The following DOK5 variants were observed in gnomAD, a reference collection of about 807,000 sequenced individuals.
DOK5 encodes downstream of tyrosine kinase 5.
A neutral mutation model predicts 43.3 loss-of-function variants in DOK5; 27 were observed. The ratio of observed to expected loss-of-function variants is 0.62; its 90% CI spans 0.46 to 0.86. DOK5 has a LOEUF of 0.86. Among genes scored for constraint, DOK5 ranks in the 40% least tolerant of loss-of-function variants. The pLI is 0.00. For missense variants in DOK5, 373 were observed against 392.9 expected, an observed-to-expected ratio of 0.95 and a Z score of 0.43; for synonymous variants, 146 against 140.1, an observed-to-expected ratio of 1.04 and a Z score of -0.30.
At chr20:54,524,984 G>A (rs1983530760) in intron 1 of DOK5, among the ~76,000 whole-genome samples, 1 of 152,204 alleles carries the variant, frequency 6.6e-6, no homozygotes, top group Non-Finnish European at 1.5e-5. Context: ...AACATTATTT[G>A]AGGGTGTTCC....
At chr20:54,561,844 T>A (rs1207937903) in intron 2 of DOK5, among the ~76,000 whole-genome samples, 1 of 152,072 alleles carries the variant, frequency 6.6e-6, no homozygotes, top group African/African-American at 2.4e-5. Context: ...TTAGTAGAGA[T>A]GGGGGTTTCT....
intron 6 of DOK5, among the ~76,000 whole-genome samples, chr20:54,622,424 C>T (rs1355414352): frequency 2.0e-5 from 3 of 152,146 alleles, no homozygotes; most frequent in Non-Finnish European, 4.4e-5. Flanking sequence ...AACGTAATAA[C>T]TTGCAACGTG....
At chr20:54,564,484 C>T (rs1295957668) in intron 2 of DOK5, among the ~76,000 whole-genome samples, 1 of 152,150 alleles carries the variant, frequency 6.6e-6, no homozygotes, top group Non-Finnish European at 1.5e-5. Context: ...TTATTTTGGT[C>T]AACACCATTG....
intron 6 of DOK5, among the ~76,000 whole-genome samples, chr20:54,620,889 C>T (rs1290334021): frequency 2.0e-5 from 3 of 151,856 alleles, no homozygotes; most frequent in South Asian, 2.1e-4. Flanking sequence ...CCCATTCTTG[C>T]GGAGCTTATT....
chr20:54,573,131 G>A (rs1985344428), intron 2 of DOK5, among the ~76,000 whole-genome samples: 1 of 152,168 alleles, frequency 6.6e-6, no homozygotes. Context: ...CAGGAATAGA[G>A]GATAGGAAGT....
At chr20:54,562,615 G>T (rs183342137) in intron 2 of DOK5, among the ~76,000 whole-genome samples, 26 of 152,056 alleles carry the variant, frequency 1.7e-4, no homozygotes, top group Non-Finnish European at 2.8e-4. Flanking sequence ...ACAGGGTCTT[G>T]CTACATTGTC....
At chr20:54,515,260 C>T (rs889114607) in intron 1 of DOK5, among the ~76,000 whole-genome samples, 7 of 152,132 alleles carry the variant, frequency 4.6e-5, no homozygotes, top group East Asian at 1.9e-4. Context: ...CCATCCAACC[C>T]GCCTCGGCCT....
At chr20:54,541,271 AC>A (rs1984149936) in intron 1 of DOK5, among the ~76,000 whole-genome samples, 1 of 151,712 alleles carries the variant, frequency 6.6e-6, no homozygotes, top group Admixed American at 6.6e-5. Flanking sequence ...AGTCAGTATC[AC>A]CCCCTGCAAT....
At chr20:54,497,685 C>T (rs1679756511) in intron 1 of DOK5, among the ~76,000 whole-genome samples, 2 of 152,138 alleles carry the variant, frequency 1.3e-5, no homozygotes, top group African/African-American at 4.8e-5. Flanking sequence ...TATATTTCTG[C>T]ATGCTTGTAG....
chr20:54,560,263 TTCAATACTCAGATATTTACTTTGGAG>T (rs1412905755), intron 2 of DOK5, among the ~76,000 whole-genome samples: 5 of 152,194 alleles, frequency 3.3e-5, no homozygotes, highest in African/African-American at 1.2e-4. Flanking sequence ...AGCCCCCTCT[TTCAATACTCAGATATTTACTTTGGAG>T]TCATCCCCTC....
intron 1 of DOK5, among the ~76,000 whole-genome samples, chr20:54,531,655 C>A (rs1319712032): frequency 6.6e-6 from 1 of 152,216 alleles, no homozygotes; most frequent in Non-Finnish European, 1.5e-5. Context: ...TCACTTTCTT[C>A]ATATCCTTTG....
chr20:54,565,391 T>C (rs2146741106), intron 2 of DOK5, among the ~76,000 whole-genome samples: 1 of 152,336 alleles, frequency 6.6e-6, no homozygotes, highest in East Asian at 1.9e-4. Flanking sequence ...CAGCTGACTG[T>C]GGGTAACCTG....
intron 7 of DOK5, among the ~76,000 whole-genome samples, chr20:54,649,186 CAG>C (rs1979582893): frequency 6.6e-6 from 1 of 152,102 alleles, no homozygotes; most frequent in Non-Finnish European, 1.5e-5. Flanking sequence ...ACTGAAGAAA[CAG>C]AGACCTTTGG....
chr20:54,613,703 A>G (rs1300007165), intron 6 of DOK5, among the ~76,000 whole-genome samples: 2 of 152,218 alleles, frequency 1.3e-5, no homozygotes, highest in South Asian at 2.1e-4. Context: ...TTTTAAAACT[A>G]TGCATCAAGG....
chr20:54,509,891 C>T (rs552511660), intron 1 of DOK5, among the ~76,000 whole-genome samples: 2 of 148,974 alleles, frequency 1.3e-5, no homozygotes, highest in African/African-American at 5.0e-5. Flanking sequence ...AGTTACACTG[C>T]GATCTGGAAA....
At chr20:54,602,966 C>A (rs1986343560) in intron 5 of DOK5, among the ~76,000 whole-genome samples, 1 of 152,192 alleles carries the variant, frequency 6.6e-6, no homozygotes, top group Admixed American at 6.5e-5. Context: ...CCACCGCGCC[C>A]AGACTTTTAA....
chr20:54,485,934 T>C lies in DOK5; in HGVS notation c.66+9922T>C, dbSNP rs6123386. Among the ~76,000 whole-genome samples the C allele has an allele frequency of 2.7e-3, 415 of 152,344 alleles. 17 individuals are homozygous for C. The East Asian group carries it at 0.067, about 25-fold the overall frequency. On this transcript the variant is annotated intron_variant, in intron 1 of 7. Transcript: ENST00000262593. ...AATGTTGAGCATCTTTTCATGTTCCTGTTTGCCGTCCATGTCAGTAAAATG... is the reference window on the plus strand; with the variant it reads ...AATGTTGAGCATCTTTTCATGTTCCCGTTTGCCGTCCATGTCAGTAAAATG...
intron 6 of DOK5, among the ~76,000 whole-genome samples, chr20:54,636,501 C>T (rs1369843075): frequency 6.6e-6 from 1 of 152,100 alleles, no homozygotes; most frequent in Non-Finnish European, 1.5e-5. Flanking sequence ...ACCAGATGGC[C>T]CCACTAGACC....
chr20:54,480,516 G>T (rs924663265), intron 1 of DOK5, among the ~76,000 whole-genome samples: 1 of 152,186 alleles, frequency 6.6e-6, no homozygotes, highest in African/African-American at 2.4e-5. Context: ...ATATCATCAA[G>T]AAATAACCAT....
Sources: gnomAD v4.1 joint callset for allele counts (sites outside exome capture counted in the v4.1 genomes callset) on GRCh38, gnomAD v4.1.1 for gene constraint, MANE v1.5 for transcripts, NCBI Gene and HGNC (gene_info 2026-07-23, HGNC 2026-07-21) for gene names.